RASGRF2: variants seen among roughly 807,000 people sequenced by gnomAD.
The protein encoded by RASGRF2 is Ras protein specific guanine nucleotide releasing factor 2.
A neutral mutation model predicts 151.0 loss-of-function variants in RASGRF2; 76 were observed. The ratio of observed to expected loss-of-function variants is 0.50; its 90% CI spans 0.42 to 0.61. The LOEUF (loss-of-function observed/expected upper bound fraction) is 0.61. Ranked by LOEUF, RASGRF2 falls within the 20% of genes least tolerant of loss-of-function variation. RASGRF2 has a pLI of 0.00. For synonymous variants in RASGRF2, 504 were observed against 566.5 expected (o/e 0.89, Z 1.57); for missense variants, 1,148 against 1,564.6 (o/e 0.73, Z 4.49).
intron 2 of RASGRF2, among the ~76,000 whole-genome samples, chr5:81,052,943 A>T (rs191543571): frequency 9.7e-4 from 148 of 152,086 alleles, no homozygotes; most frequent in African/African-American, 3.4e-3. Context: ...TTTTTATTCT[A>T]AGTAGTCTTT....
At chr5:81,005,858 G>T (rs1255744093) in intron 1 of RASGRF2, among the ~76,000 whole-genome samples, 1 of 152,184 alleles carries the variant, frequency 6.6e-6, no homozygotes, top group African/African-American at 2.4e-5. Context: ...GATAGAGAGG[G>T]CATTAAGTCA....
Position 81,157,137 on chromosome 5 carries a change from G to A in RASGRF2, c.2687-23038G>A, listed in dbSNP as rs1457216430. Among the ~76,000 whole-genome samples the A allele has an allele frequency of 5.9e-5, 9 of 151,968 alleles. No homozygotes were observed. In the East Asian group the frequency reaches 9.7e-4, roughly 16 times the overall value. Reference sequence around the variant, plus strand: ...TCCCAGCACTTTGGGAGGCTGAGGCGGGCGGATCACGAGGTCAGGAGATCG... The same window carrying A: ...TCCCAGCACTTTGGGAGGCTGAGGCAGGCGGATCACGAGGTCAGGAGATCG... On this transcript the variant is annotated intron_variant, in intron 17 of 26. Coordinates refer to ENST00000265080, the MANE Select transcript of RASGRF2 (RefSeq NM_006909.3).
chr5:81,136,500 T>C (rs1032604622), intron 17 of RASGRF2, among the ~76,000 whole-genome samples: 1 of 152,192 alleles, frequency 6.6e-6, no homozygotes, highest in Non-Finnish European at 1.5e-5. Flanking sequence ...TGATGTGGTG[T>C]TGTCATTCTT....
chr5:81,042,913 A>C lies in RASGRF2; in HGVS notation c.325A>C (p.Lys109Gln), dbSNP rs752905237. The C allele has an allele frequency of 6.2e-7, 1 of 1,612,870 alleles. No individual in the cohort carries two copies. The highest frequency in any genetic ancestry group is 8.5e-7 in the Non-Finnish European group (1 of 1,179,682). The change falls in exon 2 of 27, where the codon AAG (lysine) becomes CAG (glutamine). Residue 109 changes from lysine to glutamine, a missense_variant. Around this residue, in one of 5 missense-constraint regions of RASGRF2, gnomAD observed 221 missense variants for 271.3 expected, o/e 0.81. Transcript: ENST00000265080. ...TGTTCTTTTTGGCCATGAAGGTCAG[A>C]AGCCACTGGAGCTGCGCTGTGAGGA... is the stretch of plus-strand genomic sequence containing the variant. ...FTVLFGHEGQKPLELRCEEEQ... is the reference protein window; with the variant it reads ...FTVLFGHEGQQPLELRCEEEQ...
At chr5:80,977,132 A>G (rs1748144472) in intron 1 of RASGRF2, among the ~76,000 whole-genome samples, 1 of 152,114 alleles carries the variant, frequency 6.6e-6, no homozygotes, top group African/African-American at 2.4e-5. Context: ...ATGAGTATAG[A>G]AATTTATTTT....
At chr5:80,994,133 G>A (rs374104460) in intron 1 of RASGRF2, among the ~76,000 whole-genome samples, 21 of 152,168 alleles carry the variant, frequency 1.4e-4, no homozygotes, top group South Asian at 6.2e-4. Context: ...TGGGAGGCCA[G>A]GGCGGGCGGA....
At chr5:81,074,730 A>G (rs1035131608) in intron 5 of RASGRF2, among the ~76,000 whole-genome samples, 2 of 152,224 alleles carry the variant, frequency 1.3e-5, no homozygotes, top group Non-Finnish European at 2.9e-5. Flanking sequence ...AATGTACCAT[A>G]GTTTTTTTAT....
intron 26 of RASGRF2, among the ~76,000 whole-genome samples, chr5:81,221,075 T>C (rs1359460825): frequency 6.6e-6 from 1 of 152,192 alleles, no homozygotes; most frequent in Non-Finnish European, 1.5e-5. Flanking sequence ...GAAGTGCCAT[T>C]TTCATCACAT....
chr5:81,180,992 T>G (rs1216838119), intron 18 of RASGRF2, among the ~76,000 whole-genome samples: 2 of 152,108 alleles, frequency 1.3e-5, no homozygotes, highest in African/African-American at 4.8e-5. Context: ...AGGCAGGCCC[T>G]CCTGGACACC....
Position 81,080,116 on chromosome 5 carries a change from T to TA in RASGRF2, c.888-4dup. On this transcript the variant is annotated splice_region_variant and splice_polypyrimidine_tract_variant and intron_variant, in intron 5 of 26. Transcript: ENST00000265080. ...TAAATTATATTATTTTTCCTTTTTTTATAGTGAAACAATCATGTTTCTTCA... is the reference window on the plus strand; with the variant it reads ...TAAATTATATTATTTTTCCTTTTTTTAATAGTGAAACAATCATGTTTCTTCA... The TA allele has an allele frequency of 6.3e-7, 1 of 1,593,396 alleles. No homozygotes were observed. The highest frequency in any genetic ancestry group is 8.5e-7 in the Non-Finnish European group (1 of 1,175,724).
At chr5:81,217,110 C>T (rs1755755821) in intron 24 of RASGRF2, 2 of 482,714 alleles carry the variant, frequency 4.1e-6, no homozygotes, top group African/African-American at 3.9e-5. Flanking sequence ...CTAAGATATC[C>T]TGTTGTTTGA....
intron 12 of RASGRF2, among the ~76,000 whole-genome samples, chr5:81,102,785 T>G (rs796576014): frequency 3.9e-5 from 6 of 152,112 alleles, no homozygotes; most frequent in African/African-American, 1.4e-4. Flanking sequence ...TGAGAAATTG[T>G]TATAAAAATA....
chr5:81,159,153 T>C (rs78431587), intron 17 of RASGRF2, among the ~76,000 whole-genome samples: 3,337 of 152,358 alleles, frequency 0.022, 116 homozygotes, highest in African/African-American at 0.075. Flanking sequence ...TGTGATATAT[T>C]GCAAAATGTT....
intron 16 of RASGRF2, among the ~76,000 whole-genome samples, chr5:81,125,625 A>G (rs1357792197): frequency 1.3e-5 from 2 of 152,226 alleles, no homozygotes; most frequent in African/African-American, 2.4e-5. Context: ...ACCAAAATCT[A>G]TGGAAGTAAG....
intron 1 of RASGRF2, among the ~76,000 whole-genome samples, chr5:81,034,999 A>C (rs1750430552): frequency 6.6e-6 from 1 of 152,196 alleles, no homozygotes; most frequent in South Asian, 2.1e-4. Context: ...GATGTGGAGA[A>C]ATAGAAACAC....
intron 1 of RASGRF2, among the ~76,000 whole-genome samples, chr5:81,014,527 T>C (rs56846769): frequency 1.3e-5 from 2 of 152,086 alleles, no homozygotes; most frequent in Non-Finnish European, 2.9e-5. Context: ...TACCTCCCAC[T>C]AGGTCCCTCC....
intron 12 of RASGRF2, among the ~76,000 whole-genome samples, chr5:81,103,398 C>G (rs1221097544): frequency 6.6e-6 from 1 of 151,758 alleles, no homozygotes; most frequent in African/African-American, 2.4e-5. Context: ...TAGGAAATTA[C>G]CTCAAATACA....
intron 18 of RASGRF2, among the ~76,000 whole-genome samples, chr5:81,189,132 C>T (rs543016835): frequency 6.6e-6 from 1 of 152,308 alleles, no homozygotes; most frequent in South Asian, 2.1e-4. Flanking sequence ...GAGATGGTGA[C>T]AGCAGACGCC....
chr5:81,030,138 A>C (rs368956644), intron 1 of RASGRF2, among the ~76,000 whole-genome samples: 106 of 152,348 alleles, frequency 7.0e-4, no homozygotes, highest in African/African-American at 2.5e-3. Flanking sequence ...AGCCTTCAAG[A>C]AATATGGGAC....
Sources: gnomAD v4.1 joint callset for allele counts (sites outside exome capture counted in the v4.1 genomes callset) on GRCh38, gnomAD v4.1.1 for gene constraint, gnomAD v4.1.1 regional missense constraint, MANE v1.5 for transcripts, NCBI Gene and HGNC (gene_info 2026-07-23, HGNC 2026-07-21) for gene names.